CXCL9: variants seen among roughly 807,000 people sequenced by gnomAD.
CXCL9 encodes the protein C-X-C motif chemokine ligand 9.
Under a neutral mutation model 11.7 loss-of-function variants are expected in CXCL9, and 8 were observed. The ratio of observed to expected loss-of-function variants is 0.68; its 90% CI spans 0.40 to 1.23. The LOEUF (loss-of-function observed/expected upper bound fraction) is 1.23. CXCL9 is among the 50% of genes most tolerant of loss of function. The pLI is 0.01. For missense variants in CXCL9, 133 were observed against 141.7 expected (o/e 0.94, Z 0.31); for synonymous variants, 43 against 48.2 (o/e 0.89, Z 0.45).
intron 2 of CXCL9, chr4:76,005,690 C>G (rs72607852): frequency 0.2 from 30,722 of 152,084 alleles, 3,567 homozygotes; most frequent in East Asian, 0.5. Flanking sequence ...TTTACTGACA[C>G]GAGAAAATGT....
At position 76,004,743 on chromosome 4, in the gene CXCL9, C is replaced by A. The variant is rs997037318; in HGVS notation, c.276+66G>T. 3.3e-6 allele frequency: 5 copies of A among 1,535,390 alleles called. No individual in the cohort carries two copies. In the African/African-American group the frequency reaches 5.6e-5, roughly 17 times the overall value. On this transcript the variant is annotated intron_variant, in intron 3 of 3. Transcript: ENST00000264888. ...TATTCTTATAGTGTTAATGAAAAAG[C>A]AGATTCTTTGTCTTCTAAAGTTAAT... is the stretch of plus-strand genomic sequence containing the variant.
intron 2 of CXCL9, 87 bp downstream of exon 2, chr4:76,006,061 T>G: frequency 8.0e-7 from 1 of 1,243,416 alleles, no homozygotes; most frequent in Non-Finnish European, 1.2e-6. Context: ...AGTGTTTGTA[T>G]GGGCAAGCAC....
At position 76,003,766 on chromosome 4, in the gene CXCL9, A is replaced by C. The variant is rs1158887433; in HGVS notation, c.277-67T>G. On this transcript the variant is annotated intron_variant, in intron 3 of 3. Coordinates refer to ENST00000264888, the MANE Select transcript of CXCL9 (RefSeq NM_002416.3). The stretch of plus-strand genomic sequence containing the variant: ...ACCATTTTTACTTCCTTTTATTTGG[A>C]CTCTCCTGATCATTGTCTCATACCC... 7.4e-6 allele frequency: 7 copies of C among 945,492 alleles called. No individual in the cohort carries two copies. The East Asian group carries it at 1.7e-4, about 23-fold the overall frequency. The allele number at this position is 945,492 out of a possible 1,614,324, so 58.6% of individuals were successfully genotyped here. A position where few individuals can be genotyped will look rare whatever the true frequency, so the allele number is the denominator to read the frequency against.
rs532549301 is a variant in CXCL9, at chr4:76,002,645, A to G, written c.*953T>C. ...AGGAGCTGACAATCTGGTTGGAGAG[A>G]TAGGATAAACACCCAAGAATTAGTT... On this transcript the variant is annotated 3_prime_UTR_variant, in exon 4 of 4. Transcript: ENST00000264888. The G allele has an allele frequency of 1.5e-4, 49 of 326,332 alleles. No homozygotes were observed. The highest frequency in any genetic ancestry group is 8.1e-4 in the Middle Eastern group (1 of 1,242). 20.2% of individuals were successfully genotyped at this position (326,332 alleles called of 1,614,324 possible). A position where few individuals can be genotyped will look rare whatever the true frequency, so the allele number is the denominator to read the frequency against.
chr4:76,004,915 G>T, intron 2 of CXCL9, 22 bp from the exon 3 acceptor site: 2 of 1,518,360 alleles, frequency 1.3e-6, no homozygotes, highest in Non-Finnish European at 1.8e-6. Context: ...ATAGCAATGA[G>T]ATAGTTTTTT....
In CXCL9 at chr4:76,003,540, G is replaced by C. The variant is rs942723742; in HGVS notation, c.*58C>G. The C allele has an allele frequency of 4.2e-6, 4 of 957,572 alleles. No homozygotes were observed. The highest frequency in any genetic ancestry group is 1.6e-5 in the African/African-American group (1 of 61,144). The allele number at this position is 957,572 out of a possible 1,614,324, so 59.3% of individuals were successfully genotyped here. ...TATGCCATCCTCCTTTGGAATGATAGCGGTATAATTAAAATAGAACATTTT... is the reference window on the plus strand; with the variant it reads ...TATGCCATCCTCCTTTGGAATGATACCGGTATAATTAAAATAGAACATTTT... On this transcript the variant is annotated 3_prime_UTR_variant, in exon 4 of 4. Coordinates refer to ENST00000264888, the MANE Select transcript of CXCL9 (RefSeq NM_002416.3).
At chr4:76,006,623 C>T (rs1183913315) in intron 1 of CXCL9, among the ~76,000 whole-genome samples, 3 of 152,156 alleles carry the variant, frequency 2.0e-5, no homozygotes, top group African/African-American at 4.8e-5. Flanking sequence ...ACAAGACAAA[C>T]AGATAACTAA....
rs550697087 is a variant in CXCL9, at chr4:76,002,646, T to G, written c.*952A>C. On this transcript the variant is annotated 3_prime_UTR_variant, in exon 4 of 4. Transcript: ENST00000264888. ...GGAGCTGACAATCTGGTTGGAGAGATAGGATAAACACCCAAGAATTAGTTA... is the reference window on the plus strand; with the variant it reads ...GGAGCTGACAATCTGGTTGGAGAGAGAGGATAAACACCCAAGAATTAGTTA... The G allele has an allele frequency of 1.1e-4, 36 of 323,056 alleles. No individual in the cohort carries two copies. Among genetic ancestry groups the G allele is most frequent in the Non-Finnish European group, 5.0e-5 (9 of 179,136 alleles). The allele number at this position is 323,056 out of a possible 1,614,324, so 20.0% of individuals were successfully genotyped here.
At chr4:76,004,358 T>G (rs1352248424) in intron 3 of CXCL9, among the ~76,000 whole-genome samples, 1 of 152,204 alleles carries the variant, frequency 6.6e-6, no homozygotes, top group Admixed American at 6.5e-5. Flanking sequence ...TCACCTGACA[T>G]GAGAAATCTT....
At position 76,004,793 on chromosome 4, in the gene CXCL9, C is replaced by T; in HGVS notation, c.276+16G>A. The T allele has an allele frequency of 6.3e-7, 1 of 1,581,576 alleles. No homozygotes were observed. ...TTTCTAAAAGAAAGAAAATTTTGAT[C>T]TTCCTTTTCACCAACCTGTTTCTCC... On this transcript the variant is annotated intron_variant, in intron 3 of 3. Coordinates refer to ENST00000264888, the MANE Select transcript of CXCL9 (RefSeq NM_002416.3).
At chr4:76,005,624 T>C (rs896378253) in intron 2 of CXCL9, 2 of 152,292 alleles carry the variant, frequency 1.3e-5, no homozygotes, top group Admixed American at 6.5e-5. Context: ...ATCCATATGA[T>C]GAAATACAGT....
chr4:76,001,366 AT>A lies in CXCL9; in HGVS notation c.*2231del, dbSNP rs748724670. ...GTTATCTCAACTAGTGTTACACTTT[AT>A]TTGAGAGAAAGCTAAAAAGTAAATA... On this transcript the variant is annotated 3_prime_UTR_variant, in exon 4 of 4. Transcript: ENST00000264888. 2.6e-5 allele frequency: 4 copies of A among 152,170 alleles called. No individual in the cohort carries two copies. Among genetic ancestry groups the A allele is most frequent in the Non-Finnish European group, 5.9e-5 (4 of 68,028 alleles). 9.4% of individuals were successfully genotyped at this position (152,170 alleles called of 1,614,324 possible). A position where few individuals can be genotyped will look rare whatever the true frequency, so the allele number is the denominator to read the frequency against.
At position 76,006,384 on chromosome 4, in the gene CXCL9, G is replaced by A. The variant is rs960196216; in HGVS notation, c.65-110C>T. 97 of 1,111,812 alleles carry A rather than the reference G, an allele frequency of 8.7e-5. No homozygotes were observed. In the Admixed American group the frequency reaches 1.5e-3, roughly 17 times the overall value. The allele number at this position is 1,111,812 out of a possible 1,614,324, so 68.9% of individuals were successfully genotyped here. On this transcript the variant is annotated intron_variant, in intron 1 of 3. Transcript: ENST00000264888. ...GTCATGATTATTGCTATCATTTACC[G>A]AGTGCCTAAAAATAATCACCACAAA...
At position 76,007,407 on chromosome 4, in the gene CXCL9, G is replaced by T. The variant is rs775325063; in HGVS notation, c.43C>A (p.Leu15Met). 1 of 1,600,486 alleles carries T rather than the reference G, an allele frequency of 6.2e-7. No homozygotes were observed. The highest frequency in any genetic ancestry group is 1.1e-5 in the South Asian group (1 of 90,778). Residue 15 changes from leucine (L) to methionine (M), a missense_variant, in exon 1 of 4, where the codon CTG becomes ATG. Coordinates refer to ENST00000264888, the MANE Select transcript of CXCL9 (RefSeq NM_002416.3). ...GVLFLLGIILLVLIGVQGTPV... is the reference protein window; with the variant it reads ...GVLFLLGIILMVLIGVQGTPV... Reference sequence around the variant, plus strand: ...TTACCTTGCACTCCAATCAGAACCAGCAAGATGATGCCCAAGAGGAAAAGA... The same window carrying T: ...TTACCTTGCACTCCAATCAGAACCATCAAGATGATGCCCAAGAGGAAAAGA...
intron 1 of CXCL9, 47 bp from the exon 2 acceptor site, chr4:76,006,321 C>T: frequency 6.4e-7 from 1 of 1,565,894 alleles, no homozygotes; most frequent in Non-Finnish European, 8.7e-7. Flanking sequence ...GCCAATGTTT[C>T]AGTTTAGGTG....
intron 2 of CXCL9, 78 bp from the exon 3 acceptor site, chr4:76,004,971 GT>G: frequency 6.9e-7 from 1 of 1,449,844 alleles, no homozygotes; most frequent in Admixed American, 2.6e-5. Flanking sequence ...ATGAAAATCA[GT>G]ATGAATTGTG....
At chr4:76,004,663 G>A in intron 3 of CXCL9, 146 bp downstream of exon 3, 1 of 1,262,220 alleles carries the variant, frequency 7.9e-7, no homozygotes, top group East Asian at 2.9e-5. Context: ...TTTTGTCCTA[G>A]GAACAAAATA....
chr4:76,006,694 T>G (rs1731593468), intron 1 of CXCL9, among the ~76,000 whole-genome samples: 1 of 152,218 alleles, frequency 6.6e-6, no homozygotes, highest in Non-Finnish European at 1.5e-5. Flanking sequence ...TATTATTTAT[T>G]ATCTGACCTT....
rs1206049371 is a variant in CXCL9, at chr4:76,002,347, G to T, written c.*1251C>A. 2.3e-5 allele frequency: 9 copies of T among 398,310 alleles called. No homozygotes were observed. The highest frequency in any genetic ancestry group is 2.7e-5 in the Non-Finnish European group (6 of 226,034). 24.7% of individuals were successfully genotyped at this position (398,310 alleles called of 1,614,324 possible). A position where few individuals can be genotyped will look rare whatever the true frequency, so the allele number is the denominator to read the frequency against. On this transcript the variant is annotated 3_prime_UTR_variant, in exon 4 of 4. Coordinates refer to ENST00000264888, the MANE Select transcript of CXCL9 (RefSeq NM_002416.3). ...TTTTACCACGTGCTTCTTATTGTTG[G>T]AGAAGCTGAGCAAACATCCTGTCAT...
Sources: allele counts gnomAD v4.1 joint callset (sites outside exome capture counted in the v4.1 genomes callset), GRCh38; gene constraint gnomAD v4.1.1; transcripts MANE v1.5; gene names NCBI Gene and HGNC (gene_info 2026-07-23, HGNC 2026-07-21).